Variants in PSMA1 observed in about 807,000 individuals in gnomAD.
The protein encoded by PSMA1 is proteasome 20S subunit alpha 1, also known as proteasome subunit alpha type-1.
A neutral mutation model predicts 38.4 loss-of-function variants in PSMA1; 3 were observed. The observed-to-expected ratio is 0.08, with a 90% CI of 0.04 to 0.20. PSMA1 has a LOEUF of 0.20. Ranked by LOEUF, PSMA1 falls within the 10% of genes least tolerant of loss-of-function variation. The pLI is 1.00. For missense variants in PSMA1, 227 were observed against 325.3 expected, an observed-to-expected ratio of 0.70 and a Z score of 2.32; for synonymous variants, 101 against 107.1, an observed-to-expected ratio of 0.94 and a Z score of 0.35.
chr11:14,531,241 T>G (rs955978504), intron 2 of PSMA1, among the ~76,000 whole-genome samples: 2 of 152,194 alleles, frequency 1.3e-5, no homozygotes, highest in African/African-American at 4.8e-5. Flanking sequence ...GATTTCATCA[T>G]GCACATAGTG....
chr11:14,626,632 A>C (rs746278518), intron 1 of PSMA1, among the ~76,000 whole-genome samples: 3 of 152,208 alleles, frequency 2.0e-5, no homozygotes, highest in Non-Finnish European at 4.4e-5. Context: ...AACTTGTAAG[A>C]AACCTGGGCA....
intron 2 of PSMA1, among the ~76,000 whole-genome samples, chr11:14,593,475 C>T (rs948929319): frequency 1.3e-5 from 2 of 152,116 alleles, no homozygotes; most frequent in Admixed American, 1.3e-4. Flanking sequence ...ACAGGTCTAA[C>T]ATAACTTCAT....
chr11:14,533,009 A>G (rs1354052995), intron 2 of PSMA1, among the ~76,000 whole-genome samples: 1 of 152,238 alleles, frequency 6.6e-6, no homozygotes, highest in African/African-American at 2.4e-5. Context: ...AATACTATCC[A>G]TCTAGAGAAG....
At chr11:14,616,595 A>G (rs1474291954) in intron 1 of PSMA1, among the ~76,000 whole-genome samples, 1 of 152,056 alleles carries the variant, frequency 6.6e-6, no homozygotes, top group Non-Finnish European at 1.5e-5. Flanking sequence ...GAGAAATAAG[A>G]TTACAATAGA....
intron 1 of PSMA1, among the ~76,000 whole-genome samples, chr11:14,624,047 A>C (rs979497503): frequency 6.6e-6 from 1 of 152,252 alleles, no homozygotes; most frequent in Non-Finnish European, 1.5e-5. Flanking sequence ...AAACATTTGA[A>C]CAGGTGACCC....
intron 1 of PSMA1, among the ~76,000 whole-genome samples, chr11:14,627,347 T>C (rs1039104777): frequency 3.3e-5 from 5 of 152,160 alleles, no homozygotes; most frequent in Non-Finnish European, 7.3e-5. Context: ...TTACTTGAGG[T>C]GCTTGGTAGA....
intron 3 of PSMA1, 42 bp from the exon 4 acceptor site, chr11:14,517,787 A>G (rs781188553): frequency 1.4e-6 from 2 of 1,478,642 alleles, no homozygotes; most frequent in African/African-American, 2.9e-5. Context: ...AAAAAAAAAG[A>G]GACAAATGTA....
At chr11:14,604,399 T>C (rs1433035169) in intron 2 of PSMA1, among the ~76,000 whole-genome samples, 1 of 152,160 alleles carries the variant, frequency 6.6e-6, no homozygotes, top group Non-Finnish European at 1.5e-5. Flanking sequence ...CTGTAGAATA[T>C]ATGTGACATC....
At chr11:14,637,078 C>T (rs929674264) in intron 1 of PSMA1, among the ~76,000 whole-genome samples, 2 of 152,174 alleles carry the variant, frequency 1.3e-5, no homozygotes. Flanking sequence ...TTACCACCTA[C>T]AGAATAAAGT....
chr11:14,597,708 T>A (rs1852517592), intron 2 of PSMA1, among the ~76,000 whole-genome samples: 1 of 152,234 alleles, frequency 6.6e-6, no homozygotes, highest in Non-Finnish European at 1.5e-5. Context: ...AGCCCCTAGA[T>A]TCATTGACTT....
intron 2 of PSMA1, among the ~76,000 whole-genome samples, chr11:14,585,721 T>C (rs1852337538): frequency 6.6e-6 from 1 of 152,232 alleles, no homozygotes; most frequent in Non-Finnish European, 1.5e-5. Flanking sequence ...TTCTCTGTTC[T>C]GCTCATGCTA....
chr11:14,620,079 T>C (rs186506506), intron 1 of PSMA1, among the ~76,000 whole-genome samples: 1 of 151,790 alleles, frequency 6.6e-6, no homozygotes, highest in Non-Finnish European at 1.5e-5. Context: ...TGTGTGTGTG[T>C]GTGTATGTGT....
chr11:14,578,194 G>A (rs1395312335), intron 2 of PSMA1, among the ~76,000 whole-genome samples: 1 of 152,056 alleles, frequency 6.6e-6, no homozygotes, highest in African/African-American at 2.4e-5. Context: ...TGCATGTTCT[G>A]CACATGTACC....
chr11:14,638,000 A>T (rs1448147827), intron 1 of PSMA1, among the ~76,000 whole-genome samples: 1 of 152,180 alleles, frequency 6.6e-6, no homozygotes, highest in East Asian at 1.9e-4. Flanking sequence ...AAATAAACTA[A>T]TTTACATTTA....
At chr11:14,628,526 A>T in intron 1 of PSMA1, among the ~76,000 whole-genome samples, 1 of 150,344 alleles carries the variant, frequency 6.7e-6, no homozygotes, top group Non-Finnish European at 1.5e-5. Context: ...ATAGTATTCC[A>T]TGGTGTATAT....
chr11:14,520,293 G>C lies in PSMA1; in HGVS notation c.3+4C>G, dbSNP rs1360403473. On this transcript the variant is annotated splice_donor_region_variant and intron_variant, in intron 1 of 9. Transcript: ENST00000396394. ...AACCTTCCAGAGATCGGGATTCAAC[G>C]TACCATGGTGGCGGCGCGGGCCTGG... is the stretch of plus-strand genomic sequence containing the variant. 2.5e-6 allele frequency: 4 copies of C among 1,614,002 alleles called. No homozygotes were observed. The highest frequency in any genetic ancestry group is 2.7e-5 in the African/African-American group (2 of 74,932).
At chr11:14,596,284 G>A (rs574306608) in intron 2 of PSMA1, among the ~76,000 whole-genome samples, 7 of 152,274 alleles carry the variant, frequency 4.6e-5, no homozygotes, top group South Asian at 2.1e-4. Context: ...TGTGAAGAAC[G>A]TCATTGGTAG....
chr11:14,528,324 T>A (rs1476166509), intron 2 of PSMA1, among the ~76,000 whole-genome samples: 1 of 152,172 alleles, frequency 6.6e-6, no homozygotes, highest in Non-Finnish European at 1.5e-5. Flanking sequence ...TTTTTCTCCT[T>A]CTTTTATTCG....
chr11:14,532,940 A>G (rs1851666048), intron 2 of PSMA1, among the ~76,000 whole-genome samples: 1 of 152,214 alleles, frequency 6.6e-6, no homozygotes, highest in Non-Finnish European at 1.5e-5. Context: ...AAAAAAAGAC[A>G]ATATGATAAA....
Sources: allele counts gnomAD v4.1 joint callset (sites outside exome capture counted in the v4.1 genomes callset), GRCh38; gene constraint gnomAD v4.1.1; transcripts MANE v1.5; gene names NCBI Gene and HGNC (gene_info 2026-07-23, HGNC 2026-07-21).